The following RNF207 variants were observed in gnomAD, a reference collection of about 807,000 sequenced individuals.
The protein encoded by RNF207 is OTTHUMG00000001089.
Under a neutral mutation model 79.0 loss-of-function variants are expected in RNF207, and 72 were observed. The ratio of observed to expected loss-of-function variants is 0.91; its 90% CI spans 0.75 to 1.11. RNF207 has a LOEUF of 1.11. Among genes scored for constraint, RNF207 ranks in the 50% least tolerant of loss-of-function variants. RNF207 has a pLI of 0.00. For synonymous variants in RNF207, 348 were observed against 366.2 expected, an observed-to-expected ratio of 0.95 and a Z score of 0.57; for missense variants, 936 against 855.8, an observed-to-expected ratio of 1.09 and a Z score of -1.17.
chr1:6,209,319 C>G lies in RNF207; in HGVS notation c.603C>G (p.Cys201Trp). Residue 201 changes from cysteine (C) to tryptophan (W), a missense_variant, in exon 6 of 18, where the codon TGC (cysteine) becomes TGG (tryptophan). Physicochemically the swap from Cys to Trp is radical, Grantham distance 215. Coordinates refer to ENST00000377939, the MANE Select transcript of RNF207 (RefSeq NM_207396.3). ...VDLESAYVQG[C>W]ERLEQAVLAV... is the part of the protein sequence containing the mutation. ...TGGAATCGGCTTACGTGCAGGGCTG[C>G]GAGCGGCTGGAGCAGGCGGTGCTGG... is the stretch of plus-strand genomic sequence containing the variant. 1.3e-6 allele frequency: 2 copies of G among 1,546,614 alleles called. No individual in the cohort carries two copies. The highest frequency in any genetic ancestry group is 1.7e-6 in the Non-Finnish European group (2 of 1,146,602).
rs1668387980 is a variant in RNF207 at position 6,217,143 on chromosome 1, A to G, written c.1653-1146A>G. Among the ~76,000 whole-genome samples the G allele has an allele frequency of 6.6e-6, 1 of 152,178 alleles. No individual in the cohort carries two copies. The highest frequency in any genetic ancestry group is 2.1e-4 in the South Asian group (1 of 4,834). On this transcript the variant is annotated intron_variant, in intron 16 of 17. Coordinates refer to ENST00000377939, the MANE Select transcript of RNF207 (RefSeq NM_207396.3). The surrounding 1 kb of genome is among the most constrained non-coding windows in gnomAD (Gnocchi z 4.2). The stretch of plus-strand genomic sequence containing the variant: ...CTCAGCCTTCCAAAATGCTGGGATT[A>G]TAGACGTGACCGTGCCTAGCCATGT...
At chr1:6,218,536 AC>A (rs1668440558) in intron 17 of RNF207, among the ~76,000 whole-genome samples, 167 bp downstream of exon 17, 1 of 152,226 alleles carries the variant, frequency 6.6e-6, no homozygotes, top group Admixed American at 6.5e-5. Context: ...CAGATGAGTA[AC>A]TTATAAGTGA....
intron 16 of RNF207, among the ~76,000 whole-genome samples, chr1:6,216,153 C>CTGCA (rs1459239696): frequency 6.6e-6 from 1 of 152,166 alleles, no homozygotes; most frequent in African/African-American, 2.4e-5. Flanking sequence ...CAGACTTCGG[C>CTGCA]TGCAGTGGGA....
chr1:6,218,201 CAG>C, intron 16 of RNF207, 86 bp from the exon 17 acceptor site: 2 of 836,644 alleles, frequency 2.4e-6, no homozygotes, highest in Admixed American at 2.0e-5. Context: ...TGAGTGGTGG[CAG>C]AGTCTGGTTC....
chr1:6,218,141 A>G, intron 16 of RNF207, 148 bp from the exon 17 acceptor site: 1 of 615,602 alleles, frequency 1.6e-6, no homozygotes, highest in South Asian at 2.0e-5. Context: ...CAACCACTGG[A>G]CCTTAGTAAA....
chr1:6,212,941 C>A (rs988636755), intron 15 of RNF207, 125 bp from the exon 16 acceptor site: 3 of 786,524 alleles, frequency 3.8e-6, no homozygotes, highest in Non-Finnish European at 6.5e-6. Flanking sequence ...CACCAAGTGC[C>A]TCCCTCTTTA....
At chr1:6,212,489 G>T in intron 14 of RNF207, 73 bp downstream of exon 14, 1 of 1,434,088 alleles carries the variant, frequency 7.0e-7, no homozygotes, top group Non-Finnish European at 9.6e-7. Context: ...GACAGTAAGC[G>T]GGGAAAGAGG....
intron 17 of RNF207, among the ~76,000 whole-genome samples, chr1:6,218,606 C>T (rs1343604002): frequency 6.6e-6 from 1 of 152,228 alleles, no homozygotes; most frequent in African/African-American, 2.4e-5. Context: ...CCATTATAAA[C>T]AGCCATGGCT....
chr1:6,207,538 G>A lies in RNF207; in HGVS notation c.324+27G>A, dbSNP rs756977996. 1.5e-5 allele frequency: 23 copies of A among 1,580,362 alleles called. No homozygotes were observed. In the South Asian group the frequency reaches 2.1e-4, roughly 14 times the overall value. On this transcript the variant is annotated intron_variant, in intron 3 of 17. Transcript: ENST00000377939. This position sits in a 1 kb window ranked among gnomAD's most constrained non-coding sequence, Gnocchi z 4.5. ...CAGGGGCGGCAGGGCGGGTGGGTGA[G>A]GAGCAGAGGGTACCCGGTTGCACAG...
rs780687499 is a variant in RNF207, at chr1:6,211,996, G to A, written c.1239G>A (p.Ala413=). The A allele has an allele frequency of 2.5e-5, 39 of 1,590,492 alleles. No homozygotes were observed. In the East Asian group the frequency reaches 3.2e-4, roughly 13 times the overall value. ...CCATCAGCACCAAGGTGCTGCTGGC[G>A]GAGGGCGAGAACACGCCCTTCGCAG... The part of the protein sequence containing the change: ...HRSISTKVLL[A]EGENTPFAEH... The change falls in exon 13 of 18, where the codon GCG becomes GCA. Residue 413 remains alanine, a synonymous_variant. Coordinates refer to ENST00000377939, the MANE Select transcript of RNF207 (RefSeq NM_207396.3). The surrounding 1 kb of genome is among the most constrained non-coding windows in gnomAD (Gnocchi z 4.2).
intron 13 of RNF207, 56 bp downstream of exon 13, chr1:6,212,109 AGGTACGCTCAGGGAAATCG>A (rs1165462520): frequency 1.9e-6 from 3 of 1,546,542 alleles, no homozygotes; most frequent in Non-Finnish European, 1.8e-6. Context: ...CTCCTCACCA[AGGTACGCTCAGGGAAATCG>A]AGTTCTCCCA....
chr1:6,215,457 G>A (rs181839543), intron 16 of RNF207, among the ~76,000 whole-genome samples: 20 of 151,092 alleles, frequency 1.3e-4, no homozygotes, highest in African/African-American at 4.6e-4. Context: ...GTTAGCCACC[G>A]TGCCAAGCCT....
rs1184060093 is a variant in RNF207 at position 6,207,231 on chromosome 1, G to T, written c.192-148G>T. On this transcript the variant is annotated intron_variant, in intron 2 of 17. Transcript: ENST00000377939. The surrounding 1 kb of genome is among the most constrained non-coding windows in gnomAD (Gnocchi z 4.5). ...AGGGACCAGGGCAGGGTGAGTGCTG[G>T]CTGTGATATTTATAGCAGACCCCAG... is the stretch of plus-strand genomic sequence containing the variant. 1.2e-5 allele frequency: 9 copies of T among 766,944 alleles called. No individual in the cohort carries two copies. In the East Asian group the frequency reaches 2.2e-4, roughly 19 times the overall value. 47.5% of individuals were successfully genotyped at this position (766,944 alleles called of 1,614,324 possible). A position where few individuals can be genotyped will look rare whatever the true frequency, so the allele number is the denominator to read the frequency against.
In RNF207 at chr1:6,219,424, C is replaced by T; in HGVS notation, c.*17C>T. 3.2e-6 allele frequency: 5 copies of T among 1,582,130 alleles called. No individual in the cohort carries two copies. The highest frequency in any genetic ancestry group is 4.3e-6 in the Non-Finnish European group (5 of 1,161,022). On this transcript the variant is annotated 3_prime_UTR_variant, in exon 18 of 18. Coordinates refer to ENST00000377939, the MANE Select transcript of RNF207 (RefSeq NM_207396.3). ...CCGACTTAGCAAATGGGACCGGTCC[C>T]CAGGGTCAGGCTCTTAGAGCAGGCA...
chr1:6,219,393 G>C lies in RNF207; in HGVS notation c.1891G>C (p.Glu631Gln), dbSNP rs747353686. 1.0e-5 allele frequency: 16 copies of C among 1,605,302 alleles called. No individual in the cohort carries two copies. In the African/African-American group the frequency reaches 1.9e-4, roughly 19 times the overall value. Residue 631 changes from glutamate to glutamine, a missense_variant, in exon 18 of 18, where the codon GAA becomes CAA. Physicochemically the swap from Glu to Gln is conservative, Grantham distance 29 (BLOSUM62 2). Coordinates refer to ENST00000377939, the MANE Select transcript of RNF207 (RefSeq NM_207396.3). Reference sequence around the variant, plus strand: ...TGGGGGCGATGTCCCCACATGGAGGGAACACCCGACTTAGCAAATGGGACC... The same window carrying C: ...TGGGGGCGATGTCCCCACATGGAGGCAACACCCGACTTAGCAAATGGGACC... ...KNGGDVPTWR[E>Q]HPT is the part of the protein sequence containing the mutation.
rs1667948472 is a variant in RNF207 at position 6,207,317 on chromosome 1, G to A, written c.192-62G>A. Reference sequence around the variant, plus strand: ...TTTAGCTCCAGCCTGGAATGTGAGGGGTGGGGGTGGGGAGCCCTGGGGAAG... The same window carrying A: ...TTTAGCTCCAGCCTGGAATGTGAGGAGTGGGGGTGGGGAGCCCTGGGGAAG... On this transcript the variant is annotated intron_variant, in intron 2 of 17. Transcript: ENST00000377939. The surrounding 1 kb of genome is among the most constrained non-coding windows in gnomAD (Gnocchi z 4.5). 4 of 1,477,480 alleles carry A rather than the reference G, an allele frequency of 2.7e-6. No individual in the cohort carries two copies. The highest frequency in any genetic ancestry group is 3.6e-6 in the Non-Finnish European group (4 of 1,106,140). The allele number at this position is 1,477,480 out of a possible 1,614,324, so 91.5% of individuals were successfully genotyped here.
rs1461343978 is a variant in RNF207 at position 6,210,671 on chromosome 1, C to T, written c.943-199C>T. 7.7e-6 allele frequency: 5 copies of T among 651,454 alleles called. No individual in the cohort carries two copies. The East Asian group carries it at 1.4e-4, about 18-fold the overall frequency. 40.4% of individuals were successfully genotyped at this position (651,454 alleles called of 1,614,324 possible). A position where few individuals can be genotyped will look rare whatever the true frequency, so the allele number is the denominator to read the frequency against. ...AGTCCCCCGTGGGGCGGAGTGACCA[C>T]TGGAGTCCAGCCGCCCCCTCTCCTG... On this transcript the variant is annotated intron_variant, in intron 10 of 17. Transcript: ENST00000377939.
Position 6,219,600 on chromosome 1 carries a change from C to A in RNF207, c.*193C>A, listed in dbSNP as rs1668482211. 8.6e-6 allele frequency: 3 copies of A among 349,844 alleles called. No homozygotes were observed. The highest frequency in any genetic ancestry group is 1.6e-5 in the Non-Finnish European group (3 of 188,318). 21.7% of individuals were successfully genotyped at this position (349,844 alleles called of 1,614,324 possible). ...CTCTGCCTCCTGGGTTCAAGCGATT[C>A]TCCTGCCTCAGCCTCCCGAGTAGCT... is the stretch of plus-strand genomic sequence containing the variant. On this transcript the variant is annotated 3_prime_UTR_variant, in exon 18 of 18. Transcript: ENST00000377939.
At chr1:6,214,810 A>G (rs1446217459) in intron 16 of RNF207, among the ~76,000 whole-genome samples, 2 of 148,948 alleles carry the variant, frequency 1.3e-5, no homozygotes, top group Non-Finnish European at 3.0e-5. Flanking sequence ...AATTTTTTGT[A>G]TTTTTAGTAG....
Sources: allele counts gnomAD v4.1 joint callset (sites outside exome capture counted in the v4.1 genomes callset), GRCh38; gene constraint gnomAD v4.1.1; non-coding constraint Gnocchi (gnomAD v3.1); transcripts MANE v1.5; gene names NCBI Gene and HGNC (gene_info 2026-07-23, HGNC 2026-07-21).